Variants in MRPS5 observed in about 807,000 individuals in gnomAD.
MRPS5 encodes the protein small ribosomal subunit protein uS5m.
In MRPS5, 27 loss-of-function variants were observed where a neutral mutation model predicts 51.9. The observed-to-expected ratio is 0.52, with a 90% CI of 0.38 to 0.72. The LOEUF (loss-of-function observed/expected upper bound fraction) is 0.72, where lower values mean the gene tolerates loss of function less well. MRPS5 is among the 30% of genes least tolerant of loss of function. The pLI is 0.00. For synonymous variants in MRPS5, 196 were observed against 193.2 expected (o/e 1.01, Z -0.12); for missense variants, 570 against 545.7 (o/e 1.04, Z -0.44).
chr2:95,106,434 T>C lies in MRPS5; in HGVS notation c.661A>G (p.Arg221Gly), dbSNP rs200411385. 6.9e-7 allele frequency: 1 copy of C among 1,453,476 alleles called. No homozygotes were observed. The highest frequency in any genetic ancestry group is 9.3e-7 in the Non-Finnish European group (1 of 1,077,328). The allele number at this position is 1,453,476 out of a possible 1,614,324, so 90.0% of individuals were successfully genotyped here. The change falls in exon 6 of 12, where the codon AGG becomes GGG. Residue 221 changes from arginine to glycine, a missense_variant. Arg to Gly is a moderately radical substitution (Grantham distance 125). Coordinates refer to ENST00000272418, the MANE Select transcript of MRPS5 (RefSeq NM_031902.5). ...CGETYEDFDT[R>G]ILEVRNVFTM... ...TTCTGCATGCCTACCTCAAGTATCC[T>C]GGTATCAAAATCCTCATATGTTTCT...
At chr2:95,099,284 A>C (rs1482321650) in intron 10 of MRPS5, among the ~76,000 whole-genome samples, 1 of 152,110 alleles carries the variant, frequency 6.6e-6, no homozygotes, top group African/African-American at 2.4e-5. Flanking sequence ...TTGAGATATA[A>C]ATGTATCTAA....
At chr2:95,112,150 C>T (rs796761779) in intron 3 of MRPS5, among the ~76,000 whole-genome samples, 28 of 152,228 alleles carry the variant, frequency 1.8e-4, no homozygotes, top group African/African-American at 6.3e-4. Flanking sequence ...CTGCAACCTC[C>T]GCCTCCCGGG....
In MRPS5 at chr2:95,106,421, A is replaced by C. The variant is rs377158608; in HGVS notation, c.672+2T>G. The C allele has an allele frequency of 1.2e-6, 2 of 1,610,022 alleles. No individual in the cohort carries two copies. The highest frequency in any genetic ancestry group is 2.7e-5 in the African/African-American group (2 of 74,294). On this transcript the variant is annotated splice_donor_variant, in intron 6 of 11. Transcript: ENST00000272418. LOFTEE classifies it high-confidence loss of function. Reference sequence around the variant, plus strand: ...ACCAGGTATTTAATTCTGCATGCCTACCTCAAGTATCCTGGTATCAAAATC... The same window carrying C: ...ACCAGGTATTTAATTCTGCATGCCTCCCTCAAGTATCCTGGTATCAAAATC...
chr2:95,109,186 A>T (rs546106904), intron 4 of MRPS5, among the ~76,000 whole-genome samples: 80 of 151,326 alleles, frequency 5.3e-4, no homozygotes, highest in East Asian at 1.7e-3. Flanking sequence ...CTTATAATTT[A>T]AAAAAAAAGT....
At chr2:95,113,605 C>T (rs1676192072) in intron 3 of MRPS5, among the ~76,000 whole-genome samples, 1 of 152,150 alleles carries the variant, frequency 6.6e-6, no homozygotes, top group Non-Finnish European at 1.5e-5. Flanking sequence ...AGACTAATGG[C>T]CCCAACTCTA....
chr2:95,094,958 C>T (rs541996039), intron 10 of MRPS5, among the ~76,000 whole-genome samples: 1 of 151,634 alleles, frequency 6.6e-6, no homozygotes, highest in South Asian at 2.1e-4. Context: ...GAGTCAAGAC[C>T]CAGTGTGCTG....
intron 11 of MRPS5, among the ~76,000 whole-genome samples, chr2:95,090,008 T>A (rs2104391765): frequency 6.6e-6 from 1 of 150,872 alleles, no homozygotes; most frequent in South Asian, 2.1e-4. Flanking sequence ...AAACCCCGTC[T>A]CTACTAAAAA....
chr2:95,121,847 A>G, upstream of MRPS5: 3 of 1,483,692 alleles, frequency 2.0e-6, no homozygotes, highest in Non-Finnish European at 2.7e-6. Context: ...CCCACCGCCT[A>G]CCGCGACTGC....
chr2:95,096,679 G>A (rs1181114288), intron 10 of MRPS5, among the ~76,000 whole-genome samples: 1 of 152,068 alleles, frequency 6.6e-6, no homozygotes, highest in Non-Finnish European at 1.5e-5. Context: ...GGTATTGATG[G>A]AACGCATCTC....
At chr2:95,104,196 C>A in intron 7 of MRPS5, 2 of 162,782 alleles carry the variant, frequency 1.2e-5, no homozygotes, top group South Asian at 1.5e-4. Flanking sequence ...AAAAACAAAA[C>A]TAGGATTTTA....
At chr2:95,101,592 T>G in intron 8 of MRPS5, 85 bp downstream of exon 8, 1 of 1,092,670 alleles carries the variant, frequency 9.2e-7, no homozygotes, top group South Asian at 1.6e-5. Context: ...GGACAAATTA[T>G]TATTGTTTTG....
intron 2 of MRPS5, among the ~76,000 whole-genome samples, chr2:95,116,007 G>A (rs1441840294): frequency 6.6e-6 from 1 of 151,430 alleles, no homozygotes; most frequent in Non-Finnish European, 1.5e-5. Context: ...CCCAGGTTCA[G>A]CGATTCTCCT....
chr2:95,086,058 C>T lies in MRPS5; in HGVS notation c.*1299G>A, dbSNP rs532591797. On this transcript the variant is annotated 3_prime_UTR_variant, in exon 12 of 12. Coordinates refer to ENST00000272418, the MANE Select transcript of MRPS5 (RefSeq NM_031902.5). ...CTATGTAGCTGGGACTACAGGCATA[C>T]ACCACCATGTGTGTCTAACTTTTAA... is the stretch of plus-strand genomic sequence containing the variant. Among the ~76,000 whole-genome samples, 1 of 152,186 alleles carries T rather than the reference C, an allele frequency of 6.6e-6. No individual in the cohort carries two copies. Among genetic ancestry groups the T allele is most frequent in the Admixed American group, 6.5e-5 (1 of 15,280 alleles).
In MRPS5 at chr2:95,098,182, A is replaced by AGG. The variant is rs1371153306; in HGVS notation, c.931+2290_931+2291dup. ...TTAGAATGGCAATCATTAAAAAGTCAGGAAACAACAGGTGCTGGAGAGGAT... is the reference window on the plus strand; with the variant it reads ...TTAGAATGGCAATCATTAAAAAGTCAGGGGAAACAACAGGTGCTGGAGAGGAT... On this transcript the variant is annotated intron_variant, in intron 10 of 11. Coordinates refer to ENST00000272418, the MANE Select transcript of MRPS5 (RefSeq NM_031902.5). Among the ~76,000 whole-genome samples the AGG allele has an allele frequency of 2.0e-5, 3 of 152,352 alleles. No individual in the cohort carries two copies. The East Asian group carries it at 5.8e-4, about 29-fold the overall frequency.
At chr2:95,104,316 C>A (rs1675886175) in intron 7 of MRPS5, 2 of 337,730 alleles carry the variant, frequency 5.9e-6, no homozygotes, top group Non-Finnish European at 1.1e-5. Flanking sequence ...TATGGCTACA[C>A]TGTTTTTATA....
At chr2:95,115,696 A>G (rs1676266817) in intron 2 of MRPS5, among the ~76,000 whole-genome samples, 1 of 152,178 alleles carries the variant, frequency 6.6e-6, no homozygotes, top group Admixed American at 6.5e-5. Context: ...ACCTGGAAAC[A>G]ACGGTTGCCT....
At chr2:95,103,280 C>T (rs1011879160) in intron 7 of MRPS5, among the ~76,000 whole-genome samples, 3 of 152,154 alleles carry the variant, frequency 2.0e-5, no homozygotes, top group Non-Finnish European at 4.4e-5. Flanking sequence ...AACCACCCAA[C>T]AGAAAAACGG....
chr2:95,116,256 A>G (rs1054860065), intron 2 of MRPS5, among the ~76,000 whole-genome samples: 4 of 151,430 alleles, frequency 2.6e-5, no homozygotes, highest in South Asian at 4.1e-4. Context: ...TAAGTAACTT[A>G]ATACTAAATA....
Position 95,090,381 on chromosome 2 carries a change from A to C in MRPS5, c.1068+5T>G. ...CCTCTGTTTCAGACCCCGGGAAAGGATTACCTGTCTGGAGAGCCCACGGAA... is the reference window on the plus strand; with the variant it reads ...CCTCTGTTTCAGACCCCGGGAAAGGCTTACCTGTCTGGAGAGCCCACGGAA... On this transcript the variant is annotated splice_donor_5th_base_variant and intron_variant, in intron 11 of 11. Coordinates refer to ENST00000272418, the MANE Select transcript of MRPS5 (RefSeq NM_031902.5). 1 of 1,613,084 alleles carries C rather than the reference A, an allele frequency of 6.2e-7. No individual in the cohort carries two copies. Among genetic ancestry groups the C allele is most frequent in the Non-Finnish European group, 8.5e-7 (1 of 1,179,884 alleles).
Sources: gnomAD v4.1 joint callset for allele counts (sites outside exome capture counted in the v4.1 genomes callset) on GRCh38, gnomAD v4.1.1 for gene constraint, MANE v1.5 for transcripts, NCBI Gene and HGNC (gene_info 2026-07-23, HGNC 2026-07-21) for gene names.